The following DPP10 variants were observed in gnomAD, a reference collection of about 807,000 sequenced individuals.
The protein encoded by DPP10 is inactive dipeptidyl peptidase 10.
In DPP10, 33 loss-of-function variants were observed where a neutral mutation model predicts 120.9. The ratio of observed to expected loss-of-function variants is 0.27; its 90% CI spans 0.21 to 0.37. The LOEUF (loss-of-function observed/expected upper bound fraction) is 0.37, where lower values mean the gene tolerates loss of function less well. Among genes scored for constraint, DPP10 ranks in the 10% least tolerant of loss-of-function variants. The pLI is 1.00. For missense variants in DPP10, 816 were observed against 942.8 expected (o/e 0.87, Z 1.76); for synonymous variants, 337 against 326.1 (o/e 1.03, Z -0.36).
At chr2:114,927,523 GAC>G (rs1309833929) in intron 1 of DPP10, among the ~76,000 whole-genome samples, 2 of 152,068 alleles carry the variant, frequency 1.3e-5, no homozygotes, top group Non-Finnish European at 2.9e-5. Flanking sequence ...AGGTGGATGA[GAC>G]ACAAATGGTT....
At chr2:114,609,584 G>C (rs1248174807) in intron 1 of DPP10, among the ~76,000 whole-genome samples, 1 of 152,042 alleles carries the variant, frequency 6.6e-6, no homozygotes, top group Non-Finnish European at 1.5e-5. Flanking sequence ...TGTTTTCTTT[G>C]TTTTACAAGT....
chr2:114,777,483 C>T (rs1047651945), intron 1 of DPP10, among the ~76,000 whole-genome samples: 4 of 150,806 alleles, frequency 2.7e-5, no homozygotes, highest in African/African-American at 7.3e-5. Flanking sequence ...GAAAAGTTGG[C>T]AACCTCCCTA....
intron 21 of DPP10, among the ~76,000 whole-genome samples, chr2:115,832,379 A>C (rs1689017151): frequency 6.6e-6 from 1 of 152,102 alleles, no homozygotes; most frequent in African/African-American, 2.4e-5. Context: ...GGTCCCAGCT[A>C]CTCAGGAGGC....
At chr2:115,736,234 A>G (rs1676486968) in intron 8 of DPP10, among the ~76,000 whole-genome samples, 1 of 152,118 alleles carries the variant, frequency 6.6e-6, no homozygotes, top group Admixed American at 6.5e-5. Context: ...TAACACTACT[A>G]CTTCTACCCC....
chr2:114,885,292 G>A (rs994121401), intron 1 of DPP10, among the ~76,000 whole-genome samples: 3 of 152,072 alleles, frequency 2.0e-5, no homozygotes, highest in African/African-American at 4.8e-5. Flanking sequence ...CGCAGGTGCC[G>A]CAAACTTTTA....
At chr2:114,607,039 T>G (rs1418319600) in intron 1 of DPP10, among the ~76,000 whole-genome samples, 1 of 152,190 alleles carries the variant, frequency 6.6e-6, no homozygotes, top group Non-Finnish European at 1.5e-5. Context: ...TGGTGAAGGT[T>G]GTCCTGGGTT....
chr2:115,428,167 G>A (rs1220398700), intron 3 of DPP10, among the ~76,000 whole-genome samples: 2 of 152,132 alleles, frequency 1.3e-5, no homozygotes, highest in South Asian at 2.1e-4. Context: ...CAGAATTTTG[G>A]TCACAACTAT....
intron 1 of DPP10, among the ~76,000 whole-genome samples, chr2:114,843,213 T>C (rs1195608370): frequency 2.6e-5 from 4 of 152,082 alleles, no homozygotes; most frequent in Non-Finnish European, 5.9e-5. Flanking sequence ...ATGGTACTAC[T>C]TATCTGATTC....
chr2:115,381,340 C>T (rs969927009), intron 3 of DPP10, among the ~76,000 whole-genome samples: 26 of 152,164 alleles, frequency 1.7e-4, no homozygotes, highest in Admixed American at 4.6e-4. Flanking sequence ...TCCAGTTGAT[C>T]GCGTCGGCTC....
chr2:115,732,558 G>A (rs1439199206), intron 8 of DPP10, among the ~76,000 whole-genome samples: 1 of 152,110 alleles, frequency 6.6e-6, no homozygotes, highest in Non-Finnish European at 1.5e-5. Context: ...CACTTAAATT[G>A]CTGTATTTAA....
chr2:114,852,217 C>T (rs1356404904), intron 1 of DPP10, among the ~76,000 whole-genome samples: 1 of 111,644 alleles, frequency 9.0e-6, no homozygotes, highest in African/African-American at 3.5e-5. Flanking sequence ...CTTTACTGAA[C>T]TATTTACTCC....
chr2:114,960,662 A>C (rs1408392250), intron 1 of DPP10, among the ~76,000 whole-genome samples: 1 of 152,192 alleles, frequency 6.6e-6, no homozygotes. Flanking sequence ...TAACACTCGC[A>C]CAGTGGTGAT....
intron 3 of DPP10, among the ~76,000 whole-genome samples, chr2:115,429,807 A>G (rs930523271): frequency 1.3e-5 from 2 of 152,208 alleles, no homozygotes; most frequent in Admixed American, 6.5e-5. Context: ...ACTTATTAGC[A>G]GTCATACAGA....
At chr2:115,053,137 G>A (rs1038659731) in intron 1 of DPP10, among the ~76,000 whole-genome samples, 11 of 152,142 alleles carry the variant, frequency 7.2e-5, no homozygotes, top group Admixed American at 2.6e-4. Flanking sequence ...AAGCTCAGGC[G>A]ACTGAAAATA....
chr2:114,572,638 C>T (rs959523009), intron 1 of DPP10, among the ~76,000 whole-genome samples: 2 of 152,160 alleles, frequency 1.3e-5, no homozygotes, highest in African/African-American at 4.8e-5. Flanking sequence ...AGTAAACCTA[C>T]AGCGAATGAT....
intron 1 of DPP10, among the ~76,000 whole-genome samples, chr2:115,058,866 C>T (rs1291474541): frequency 1.3e-5 from 2 of 152,044 alleles, no homozygotes; most frequent in African/African-American, 4.8e-5. Context: ...TTTCTTGTCC[C>T]CAAATCCCGA....
chr2:114,722,900 G>T (rs367842645), intron 1 of DPP10, among the ~76,000 whole-genome samples: 40 of 151,724 alleles, frequency 2.6e-4, no homozygotes, highest in Admixed American at 3.9e-4. Flanking sequence ...GACAATTCCT[G>T]CCCTCAAGGG....
intron 1 of DPP10, among the ~76,000 whole-genome samples, chr2:115,140,431 G>A (rs975786460): frequency 2.0e-5 from 3 of 152,206 alleles, no homozygotes; most frequent in Admixed American, 6.5e-5. Context: ...ACAAAGAGGC[G>A]AGATCAATCA....
chr2:115,259,741 A>G (rs528666645), intron 1 of DPP10, among the ~76,000 whole-genome samples: 2 of 152,246 alleles, frequency 1.3e-5, no homozygotes, highest in Non-Finnish European at 2.9e-5. Flanking sequence ...ATGACCATTT[A>G]GCGGCCTCTG....
Sources: allele counts gnomAD v4.1 joint callset (sites outside exome capture counted in the v4.1 genomes callset), GRCh38; gene constraint gnomAD v4.1.1; transcripts MANE v1.5; gene names NCBI Gene and HGNC (gene_info 2026-07-23, HGNC 2026-07-21).